Variants in HCN1 observed in about 807,000 individuals in gnomAD.
The protein encoded by HCN1 is potassium/sodium hyperpolarization-activated cyclic nucleotide-gated channel 1.
Under a neutral mutation model 78.9 loss-of-function variants are expected in HCN1, and 13 were observed. The observed-to-expected ratio is 0.16, with a 90% CI of 0.11 to 0.26. HCN1 has a LOEUF of 0.26. Ranked by LOEUF, HCN1 falls within the 10% of genes least tolerant of loss-of-function variation. HCN1 has a pLI of 1.00. For synonymous variants in HCN1, 552 were observed against 455.5 expected, an observed-to-expected ratio of 1.21 and a Z score of -2.70; for missense variants, 810 against 1,154.3, an observed-to-expected ratio of 0.70 and a Z score of 4.32.
In HCN1 at chr5:45,611,309, T is replaced by C. The variant is rs189574704; in HGVS notation, c.849+33876A>G. On this transcript the variant is annotated intron_variant, in intron 2 of 7. Transcript: ENST00000303230. ...TTTTTTGAGACGGAGTCTAGCTCTG[T>C]TGTCCAGGCTGGAGTGCAGTGACAC... Among the ~76,000 whole-genome samples, 676 of 148,154 alleles carry C rather than the reference T, an allele frequency of 4.6e-3. 3 individuals carry two copies. The highest frequency in any genetic ancestry group is 0.016 in the African/African-American group (644 of 40,120).
rs552680559 is a variant in HCN1 at position 45,351,807 on chromosome 5, C to T, written c.1377+1293G>A. 7.9e-5 allele frequency among the ~76,000 whole-genome samples: 12 copies of T among 151,544 alleles called. No homozygotes were observed. The South Asian group carries it at 2.3e-3, about 29-fold the overall frequency. On this transcript the variant is annotated intron_variant, in intron 5 of 7. Coordinates refer to ENST00000303230, the MANE Select transcript of HCN1 (RefSeq NM_021072.4). ...ATCATCACTGGCCATCAGAGAAATG[C>T]AAATCAAAACCACAATGAGACACCA...
chr5:45,548,955 C>T (rs1446731609), intron 2 of HCN1, among the ~76,000 whole-genome samples: 2 of 151,336 alleles, frequency 1.3e-5, no homozygotes, highest in African/African-American at 4.9e-5. Context: ...TGAAGGACCT[C>T]TTCAAGGAGA....
chr5:45,628,410 C>T (rs1424325000), intron 2 of HCN1, among the ~76,000 whole-genome samples: 1 of 151,924 alleles, frequency 6.6e-6, no homozygotes, highest in East Asian at 1.9e-4. Context: ...AAAAAATCAC[C>T]TACTTAAAAA....
chr5:45,496,964 A>C (rs1357524421), intron 2 of HCN1, among the ~76,000 whole-genome samples: 1 of 152,116 alleles, frequency 6.6e-6, no homozygotes, highest in Non-Finnish European at 1.5e-5. Context: ...TTATGTACCC[A>C]GTAGTCATTC....
Position 45,261,716 on chromosome 5 carries a change from G to T in HCN1, c.*205C>A, listed in dbSNP as rs1465182727. 9 of 502,276 alleles carry T rather than the reference G, an allele frequency of 1.8e-5. No individual in the cohort carries two copies. The East Asian group carries it at 3.2e-4, about 18-fold the overall frequency. 31.1% of individuals were successfully genotyped at this position (502,276 alleles called of 1,614,324 possible). On this transcript the variant is annotated 3_prime_UTR_variant, in exon 8 of 8. Transcript: ENST00000303230. ...ACATATAACACTGAATGCTAAACAG[G>T]TCTTTTGACCCTCTCTTGGGAATTT... is the stretch of plus-strand genomic sequence containing the variant.
chr5:45,500,355 AT>A (rs1233843113), intron 2 of HCN1, among the ~76,000 whole-genome samples: 1 of 152,130 alleles, frequency 6.6e-6, no homozygotes, highest in Non-Finnish European at 1.5e-5. Context: ...ATTTGGAATA[AT>A]TTTCCAAGAT....
intron 5 of HCN1, among the ~76,000 whole-genome samples, chr5:45,313,239 G>A (rs544940609): frequency 6.6e-6 from 1 of 152,266 alleles, no homozygotes; most frequent in Admixed American, 6.5e-5. Context: ...CTTCATTGCT[G>A]ATACCCAGGC....
At chr5:45,349,761 C>A (rs991128019) in intron 5 of HCN1, among the ~76,000 whole-genome samples, 2 of 152,122 alleles carry the variant, frequency 1.3e-5, no homozygotes, top group Non-Finnish European at 2.9e-5. Flanking sequence ...CGCAAACTGA[C>A]TAGAAAATCT....
intron 1 of HCN1, among the ~76,000 whole-genome samples, chr5:45,677,989 T>TACAC (rs200866112): frequency 0.013 from 1,246 of 94,148 alleles, 9 homozygotes; most frequent in East Asian, 0.027. Flanking sequence ...CACACACACA[T>TACAC]ACACACACAC....
intron 3 of HCN1, among the ~76,000 whole-genome samples, chr5:45,415,574 T>C (rs1336034115): frequency 6.6e-6 from 1 of 152,114 alleles, no homozygotes; most frequent in African/African-American, 2.4e-5. Flanking sequence ...TGACTCAGTG[T>C]GTTTTCTGGT....
intron 5 of HCN1, among the ~76,000 whole-genome samples, chr5:45,318,125 T>C (rs1472915787): frequency 1.3e-5 from 2 of 152,200 alleles, no homozygotes; most frequent in Non-Finnish European, 2.9e-5. Flanking sequence ...CTTATGTTTA[T>C]TGTGTCACTA....
intron 2 of HCN1, among the ~76,000 whole-genome samples, chr5:45,570,813 G>A (rs960452324): frequency 2.0e-5 from 3 of 152,092 alleles, no homozygotes; most frequent in African/African-American, 7.2e-5. Context: ...AGAATTAGAT[G>A]TTTCTGACAC....
chr5:45,633,103 A>G (rs1343207404), intron 2 of HCN1, among the ~76,000 whole-genome samples: 1 of 151,982 alleles, frequency 6.6e-6, no homozygotes, highest in Admixed American at 6.6e-5. Flanking sequence ...ACTTTTTGTT[A>G]AGTTCTCTGA....
intron 2 of HCN1, among the ~76,000 whole-genome samples, chr5:45,503,871 C>T (rs1742239246): frequency 6.6e-6 from 1 of 151,806 alleles, no homozygotes; most frequent in African/African-American, 2.4e-5. Flanking sequence ...CTGCAACCTC[C>T]ACCTCCCAGG....
chr5:45,635,862 A>G (rs1186596195), intron 2 of HCN1, among the ~76,000 whole-genome samples: 1 of 152,178 alleles, frequency 6.6e-6, no homozygotes, highest in African/African-American at 2.4e-5. Flanking sequence ...TTGGTGATAT[A>G]CTTCAAAAAG....
rs150562575 is a variant in HCN1, at chr5:45,646,659, G to A, written c.426-1051C>T. Among the ~76,000 whole-genome samples the A allele has an allele frequency of 3.2e-4, 48 of 151,884 alleles. 1 individual carries two copies. In the East Asian group the frequency reaches 7.2e-3, roughly 23 times the overall value. On this transcript the variant is annotated intron_variant, in intron 1 of 7. Transcript: ENST00000303230. Reference sequence around the variant, plus strand: ...AGAGAAAACCAGGAACTTCATTGCTGGTTTATATAGCTTAACTAAATTAAC... The same window carrying A: ...AGAGAAAACCAGGAACTTCATTGCTAGTTTATATAGCTTAACTAAATTAAC...
At chr5:45,652,742 T>G (rs990289022) in intron 1 of HCN1, among the ~76,000 whole-genome samples, 7 of 152,036 alleles carry the variant, frequency 4.6e-5, no homozygotes, top group African/African-American at 1.7e-4. Context: ...ATATTTTTAT[T>G]TCTGTTTATT....
intron 3 of HCN1, among the ~76,000 whole-genome samples, chr5:45,403,263 G>A (rs1251083910): frequency 6.6e-6 from 1 of 151,982 alleles, no homozygotes; most frequent in African/African-American, 2.4e-5. Context: ...TCCAAGTAGA[G>A]GAATGACATC....
intron 4 of HCN1, among the ~76,000 whole-genome samples, chr5:45,374,043 A>C (rs1307735854): frequency 5.5e-5 from 6 of 108,138 alleles, no homozygotes; most frequent in Non-Finnish European, 8.7e-5. Flanking sequence ...TACATAATAT[A>C]TATTATATAT....
Sources: allele counts gnomAD v4.1 joint callset (sites outside exome capture counted in the v4.1 genomes callset), GRCh38; gene constraint gnomAD v4.1.1; transcripts MANE v1.5; gene names NCBI Gene and HGNC (gene_info 2026-07-23, HGNC 2026-07-21).